BLMH: variants seen among roughly 807,000 people sequenced by gnomAD.
BLMH encodes bleomycin hydrolase.
Under a neutral mutation model 61.6 loss-of-function variants are expected in BLMH, and 32 were observed. The observed-to-expected ratio is 0.52, with a 90% CI of 0.39 to 0.70. The LOEUF is 0.70. BLMH is among the 30% of genes least tolerant of loss of function. BLMH has a pLI of 0.00. For synonymous variants in BLMH, 183 were observed against 193.8 expected, an observed-to-expected ratio of 0.94 and a Z score of 0.46; for missense variants, 460 against 555.5, an observed-to-expected ratio of 0.83 and a Z score of 1.73.
At chr17:30,284,720 T>A (rs1482953460) in intron 6 of BLMH, among the ~76,000 whole-genome samples, 2 of 152,248 alleles carry the variant, frequency 1.3e-5, no homozygotes, top group East Asian at 3.8e-4. Flanking sequence ...TCTTTATTTC[T>A]ACAGAAAGAA....
At chr17:30,272,451 G>T in intron 9 of BLMH, 110 bp downstream of exon 9, 1 of 1,244,890 alleles carries the variant, frequency 8.0e-7, no homozygotes, top group Non-Finnish European at 1.2e-6. Context: ...CGCGCCCTTA[G>T]GTCAACCTTC....
chr17:30,253,407 G>A (rs1597655609), intron 11 of BLMH, among the ~76,000 whole-genome samples: 1 of 152,190 alleles, frequency 6.6e-6, no homozygotes, highest in Admixed American at 6.5e-5. Context: ...CAGGATATGA[G>A]TTCTTTGGGG....
At position 30,271,314 on chromosome 17, in the gene BLMH, G is replaced by A. The variant is rs773460236; in HGVS notation, c.1103C>T (p.Ser368Leu). Residue 368 changes from serine to leucine, a missense_variant, in exon 10 of 12, where the codon TCA (serine) becomes TTA (leucine). By Grantham distance (145) the Ser-to-Leu change is moderately radical. This residue lies in a region of BLMH where 310 missense variants were observed against 371.1 expected (regional missense o/e 0.84). Transcript: ENST00000261714. The part of the protein sequence containing the change: ...NKAERLTFGE[S>L]LMTHAMTFTA... ...GAAGGTCATGGCGTGGGTCATAAGT[G>A]ACTCACCAAAAGTCAGCCTCTCCGC... is the stretch of plus-strand genomic sequence containing the variant. The A allele has an allele frequency of 6.2e-7, 1 of 1,613,980 alleles. No homozygotes were observed. Among genetic ancestry groups the A allele is most frequent in the African/African-American group, 1.3e-5 (1 of 74,898 alleles).
At chr17:30,250,823 G>C (rs966028201) in intron 11 of BLMH, among the ~76,000 whole-genome samples, 1 of 152,066 alleles carries the variant, frequency 6.6e-6, no homozygotes, top group African/African-American at 2.4e-5. Flanking sequence ...CAAAAACATG[G>C]AACCAACCTA....
intron 2 of BLMH, among the ~76,000 whole-genome samples, chr17:30,290,207 C>G (rs1450106323): frequency 6.6e-6 from 1 of 152,186 alleles, no homozygotes; most frequent in Non-Finnish European, 1.5e-5. Context: ...TAGAGGGGAT[C>G]TGGATGCACT....
Position 30,249,015 on chromosome 17 carries a change from T to A in BLMH, c.*2A>T. 1 of 1,613,874 alleles carries A rather than the reference T, an allele frequency of 6.2e-7. No homozygotes were observed. Among genetic ancestry groups the A allele is most frequent in the Non-Finnish European group, 8.5e-7 (1 of 1,179,882 alleles). ...GAAGGAGGAAAGAGCTGGAGGGCAG[T>A]ATCACTCAGCCAAAGCTCCCATGGG... On this transcript the variant is annotated 3_prime_UTR_variant, in exon 12 of 12. Coordinates refer to ENST00000261714, the MANE Select transcript of BLMH (RefSeq NM_000386.4).
chr17:30,256,514 G>T (rs1597656793), intron 11 of BLMH, among the ~76,000 whole-genome samples: 1 of 152,082 alleles, frequency 6.6e-6, no homozygotes, highest in African/African-American at 2.4e-5. Context: ...ATTTTTAGTG[G>T]AGACGGGGTT....
chr17:30,269,501 AACTTT>A, intron 10 of BLMH, among the ~76,000 whole-genome samples: 1 of 152,264 alleles, frequency 6.6e-6, no homozygotes, highest in East Asian at 1.9e-4. Flanking sequence ...TTTATAACCT[AACTTT>A]ATGTTTTGTT....
chr17:30,278,944 C>T (rs755487671), intron 6 of BLMH, among the ~76,000 whole-genome samples: 2 of 152,216 alleles, frequency 1.3e-5, no homozygotes, highest in Non-Finnish European at 2.9e-5. Context: ...GGATTATAGG[C>T]GTAAGCCGCC....
chr17:30,256,198 T>C (rs931058138), intron 11 of BLMH, among the ~76,000 whole-genome samples: 2 of 152,192 alleles, frequency 1.3e-5, no homozygotes, highest in African/African-American at 4.8e-5. Flanking sequence ...TCTGCGCATT[T>C]TAAATTGGAG....
Position 30,267,906 on chromosome 17 carries a change from G to A in BLMH, c.1147-952C>T, listed in dbSNP as rs528979637. Among the ~76,000 whole-genome samples, 3 of 152,192 alleles carry A rather than the reference G, an allele frequency of 2.0e-5. No homozygotes were observed. The South Asian group carries it at 6.2e-4, about 32-fold the overall frequency. On this transcript the variant is annotated intron_variant, in intron 10 of 11. Transcript: ENST00000261714. Reference sequence around the variant, plus strand: ...ACTATATGATGAGTCTCATCTATATGGGATTTGGTTCTCTTTGGCTCTGCT... The same window carrying A: ...ACTATATGATGAGTCTCATCTATATAGGATTTGGTTCTCTTTGGCTCTGCT...
intron 10 of BLMH, among the ~76,000 whole-genome samples, chr17:30,270,642 G>T (rs1318992085): frequency 1.3e-5 from 2 of 152,166 alleles, no homozygotes; most frequent in African/African-American, 4.8e-5. Flanking sequence ...CCTTCCTGAT[G>T]ATCCTGAGCA....
At chr17:30,258,778 G>A (rs1029775592) in intron 11 of BLMH, among the ~76,000 whole-genome samples, 4 of 152,176 alleles carry the variant, frequency 2.6e-5, no homozygotes, top group African/African-American at 4.8e-5. Context: ...TTTTCCCACT[G>A]AAACTCAATG....
chr17:30,250,078 T>A (rs1907631392), intron 11 of BLMH: 1 of 152,060 alleles, frequency 6.6e-6, no homozygotes, highest in Non-Finnish European at 1.5e-5. Context: ...TACACAAAAA[T>A]CAACTCAAGA....
rs771600141 is a variant in BLMH at position 30,285,425 on chromosome 17, C to G, written c.608G>C (p.Gly203Ala). The change falls in exon 6 of 12, where the codon GGA becomes GCA. Residue 203 changes from glycine (G) to alanine (A), a missense_variant. This residue lies in a region of BLMH where 310 missense variants were observed against 371.1 expected (regional missense o/e 0.84). Coordinates refer to ENST00000261714, the MANE Select transcript of BLMH (RefSeq NM_000386.4). ...GACGTCCTGTGTGGCCGAGATTTCT[C>G]CTTTGGTTGCTCCACTGTGTACCAG... The part of the protein sequence containing the change: ...RNLVHSGATK[G>A]EISATQDVMM... The G allele has an allele frequency of 6.2e-7, 1 of 1,612,428 alleles. No homozygotes were observed.
At chr17:30,271,421 A>T in intron 9 of BLMH, 33 bp from the exon 10 acceptor site, 1 of 1,556,314 alleles carries the variant, frequency 6.4e-7, no homozygotes, top group Non-Finnish European at 8.9e-7. Flanking sequence ...AAATAAAGGG[A>T]GTACGATCAT....
intron 6 of BLMH, among the ~76,000 whole-genome samples, chr17:30,281,796 G>A (rs1908599658): frequency 6.6e-6 from 1 of 151,958 alleles, no homozygotes; most frequent in South Asian, 2.1e-4. Flanking sequence ...CCTCCTCCTA[G>A]CATATGCCAA....
chr17:30,259,967 T>A (rs1265506661), intron 11 of BLMH, among the ~76,000 whole-genome samples: 1 of 152,178 alleles, frequency 6.6e-6, no homozygotes, highest in Admixed American at 6.5e-5. Flanking sequence ...GATGCCCTCC[T>A]CTAGAAGGGA....
At position 30,272,567 on chromosome 17, in the gene BLMH, A is replaced by C; in HGVS notation, c.1022T>G (p.Met341Arg). The change falls in exon 9 of 12, where the codon ATG becomes AGG. Residue 341 changes from methionine (M) to arginine (R), a missense_variant. By Grantham distance (91) the Met-to-Arg change is moderately conservative. This residue lies in a region of BLMH where 310 missense variants were observed against 371.1 expected (regional missense o/e 0.84). Transcript: ENST00000261714. ...HFNSKLGLSD[M>R]NLYDHELVFG... ...TTAAATTTCCTGCACTCACAGATTC[A>C]TGTCACTGAGGCCCAGCTTGCTATT... 3.1e-6 allele frequency: 5 copies of C among 1,614,184 alleles called. No individual in the cohort carries two copies. The highest frequency in any genetic ancestry group is 4.2e-6 in the Non-Finnish European group (5 of 1,180,026).
Sources: allele counts gnomAD v4.1 joint callset (sites outside exome capture counted in the v4.1 genomes callset), GRCh38; gene constraint gnomAD v4.1.1; regional missense constraint gnomAD v4.1.1; transcripts MANE v1.5; gene names NCBI Gene and HGNC (gene_info 2026-07-23, HGNC 2026-07-21).